FIGLA: variants seen among roughly 807,000 people sequenced by gnomAD.
FIGLA encodes the protein folliculogenesis specific bHLH transcription factor.
FIGLA carries 17 observed loss-of-function variants against 21.5 expected under a neutral mutation model. The ratio of observed to expected loss-of-function variants is 0.79; its 90% CI spans 0.54 to 1.19. The LOEUF is 1.19. Among genes scored for constraint, FIGLA ranks in the 50% most tolerant of loss-of-function variants. The probability of loss-of-function intolerance (pLI) is 0.00; values close to 1 mark genes in which losing one functional copy is unlikely to be tolerated. For missense variants in FIGLA, 282 were observed against 285.0 expected (o/e 0.99, Z 0.08); for synonymous variants, 129 against 117.6 (o/e 1.10, Z -0.63).
chr2:70,787,867 C>T lies in FIGLA; in HGVS notation c.232-66G>A, dbSNP rs541876489. On this transcript the variant is annotated intron_variant, in intron 1 of 4. Transcript: ENST00000332372. ...TTTGTATAGACATCTCCCCAAGCTA[C>T]AGAAGGGGGTTGTTTCCACTGCCTC... 97 of 1,536,648 alleles carry T rather than the reference C, an allele frequency of 6.3e-5. 1 individual carries two copies. In the South Asian group the frequency reaches 9.8e-4, roughly 16 times the overall value.
intron 1 of FIGLA, among the ~76,000 whole-genome samples, chr2:70,788,613 C>A (rs1675998653): frequency 6.6e-6 from 1 of 152,136 alleles, no homozygotes; most frequent in Admixed American, 6.6e-5. Context: ...TGGAGCAAAC[C>A]AGACAAGGGA....
chr2:70,777,538 T>C, intron 4 of FIGLA, 99 bp downstream of exon 4: 1 of 1,520,738 alleles, frequency 6.6e-7, no homozygotes, highest in Non-Finnish European at 8.9e-7. Flanking sequence ...CTTCTTTTAA[T>C]AGAGCTCATT....
chr2:70,785,416 A>C lies in FIGLA; in HGVS notation c.608T>G (p.Leu203Arg). Reference sequence around the variant, plus strand: ...GGTATTTAAGAAGGAATATTTTACCAGACTTCTGGTTGGGGAGATAATTTC... The same window carrying C: ...GGTATTTAAGAAGGAATATTTTACCCGACTTCTGGTTGGGGAGATAATTTC... The part of the protein sequence containing the change: ...TTEIISPTRS[L>R]DRFPEVELLS... The change falls in exon 3 of 5, where the codon CTG becomes CGG. Residue 203 changes from leucine to arginine, a missense_variant and splice_region_variant. Coordinates refer to ENST00000332372, the MANE Select transcript of FIGLA (RefSeq NM_001004311.3). 6.2e-7 allele frequency: 1 copy of C among 1,608,688 alleles called. No homozygotes were observed.
intron 1 of FIGLA, among the ~76,000 whole-genome samples, 176 bp downstream of exon 1, chr2:70,790,232 T>C (rs1370978587): frequency 6.6e-6 from 1 of 151,734 alleles, no homozygotes; most frequent in Non-Finnish European, 1.5e-5. Context: ...TGCACGGAGG[T>C]GCAGAAGAAG....
intron 1 of FIGLA, among the ~76,000 whole-genome samples, chr2:70,790,098 G>A (rs1676032872): frequency 6.6e-6 from 1 of 152,166 alleles, no homozygotes; most frequent in African/African-American, 2.4e-5. Context: ...TAAAGCACCT[G>A]CCCAGGGAGA....
intron 2 of FIGLA, among the ~76,000 whole-genome samples, chr2:70,786,818 G>A (rs1024395592): frequency 5.9e-5 from 9 of 152,040 alleles, no homozygotes; most frequent in Non-Finnish European, 8.8e-5. Context: ...AGTTTCCTAA[G>A]GTTCTCTCCT....
At position 70,790,595 on chromosome 2, in the gene FIGLA, G is replaced by GGGGC. The variant is rs1676044244; in HGVS notation, c.43_44insGCCC (p.Pro15ArgfsTer45). The GGGGC allele has an allele frequency of 6.8e-7, 1 of 1,477,104 alleles. No individual in the cohort carries two copies. Among genetic ancestry groups the GGGGC allele is most frequent in the Non-Finnish European group, 8.9e-7 (1 of 1,120,416 alleles). The allele number at this position is 1,477,104 out of a possible 1,614,324, so 91.5% of individuals were successfully genotyped here. On this transcript the variant is annotated frameshift_variant, in exon 1 of 5. Coordinates refer to ENST00000332372, the MANE Select transcript of FIGLA (RefSeq NM_001004311.3). LOFTEE classifies it high-confidence loss of function. Reference sequence around the variant, plus strand: ...GGCTTGCGGGGTGCCCAGGAGCGCGGGCGGCGCGGCGCGGGGATCTAGGAC... The same window carrying GGGGC: ...GGCTTGCGGGGTGCCCAGGAGCGCGGGGGCGCGGCGCGGCGCGGGGATCTAGGAC...
chr2:70,779,348 T>G (rs1675815405), intron 3 of FIGLA, among the ~76,000 whole-genome samples: 1 of 152,174 alleles, frequency 6.6e-6, no homozygotes, highest in African/African-American at 2.4e-5. Context: ...ATGACTGTGC[T>G]TCTCAAGCAA....
rs1265294209 is a variant in FIGLA, at chr2:70,777,657, T to C, written c.624A>G (p.Glu208=). 3 of 1,547,616 alleles carry C rather than the reference T, an allele frequency of 1.9e-6. No homozygotes were observed. Among genetic ancestry groups the C allele is most frequent in the Admixed American group, 1.7e-5 (1 of 58,870 alleles). Residue 208 remains glutamate (E), a synonymous_variant, in exon 4 of 5, where the codon GAA becomes GAG. Coordinates refer to ENST00000332372, the MANE Select transcript of FIGLA (RefSeq NM_001004311.3). The stretch of plus-strand genomic sequence containing the variant: ...CCTACCTGTGACTCAGCAGTTCTAC[T>C]TCTGGGAATCTATCCTGCAAAAACA... ...SPTRSLDRFP[E]VELLSHRLPQ...
chr2:70,780,280 T>C (rs952060766), intron 3 of FIGLA, among the ~76,000 whole-genome samples: 2 of 152,138 alleles, frequency 1.3e-5, no homozygotes, highest in Non-Finnish European at 2.9e-5. Context: ...AGGATTTCAT[T>C]CCCTGGGTCC....
Position 70,787,681 on chromosome 2 carries a change from T to A in FIGLA, c.352A>T (p.Ser118Cys). ...TCTTTGGCTCCTTCCAAAAGATCAC[T>A]GAGAACCTGTATATATTCAGTCGCA... ...KGATEYIQVL[S>C]DLLEGAKDSK... is the part of the protein sequence containing the mutation. The change falls in exon 2 of 5, where the codon AGT becomes TGT. Residue 118 changes from serine (S) to cysteine (C), a missense_variant. Transcript: ENST00000332372. 1 of 1,587,798 alleles carries A rather than the reference T, an allele frequency of 6.3e-7. No homozygotes were observed. The highest frequency in any genetic ancestry group is 8.6e-7 in the Non-Finnish European group (1 of 1,166,422).
In FIGLA at chr2:70,777,317, A is replaced by C. The variant is rs1399541920; in HGVS notation, c.*50T>G. 5 of 1,328,154 alleles carry C rather than the reference A, an allele frequency of 3.8e-6. No homozygotes were observed. Among genetic ancestry groups the C allele is most frequent in the Non-Finnish European group, 5.1e-6 (5 of 985,444 alleles). 82.3% of individuals were successfully genotyped at this position (1,328,154 alleles called of 1,614,324 possible). ...AAAAAAGAGAGACTCCAAAACTTTCAAGACTGCATTTATTTGTCTCTAGAA... is the reference window on the plus strand; with the variant it reads ...AAAAAAGAGAGACTCCAAAACTTTCCAGACTGCATTTATTTGTCTCTAGAA... On this transcript the variant is annotated 3_prime_UTR_variant, in exon 5 of 5. Coordinates refer to ENST00000332372, the MANE Select transcript of FIGLA (RefSeq NM_001004311.3).
chr2:70,783,288 A>G (rs1444158152), intron 3 of FIGLA, among the ~76,000 whole-genome samples: 2 of 152,226 alleles, frequency 1.3e-5, no homozygotes, highest in African/African-American at 4.8e-5. Flanking sequence ...TTGGTTGGCT[A>G]AAAAGACTAA....
intron 1 of FIGLA, among the ~76,000 whole-genome samples, chr2:70,789,760 T>C (rs781783206): frequency 7.2e-5 from 11 of 152,142 alleles, no homozygotes; most frequent in Non-Finnish European, 1.6e-4. Context: ...TTTCGTTAGA[T>C]AGTAAAATCT....
chr2:70,783,161 A>C (rs951446346), intron 3 of FIGLA, among the ~76,000 whole-genome samples: 1 of 152,196 alleles, frequency 6.6e-6, no homozygotes, highest in Non-Finnish European at 1.5e-5. Flanking sequence ...ACTCTTTACA[A>C]TCAGGCCTCA....
At chr2:70,783,043 C>T (rs1424039638) in intron 3 of FIGLA, among the ~76,000 whole-genome samples, 4 of 128,724 alleles carry the variant, frequency 3.1e-5, no homozygotes, top group Non-Finnish European at 4.7e-5. Flanking sequence ...GGCAACAGAG[C>T]GAGACTCTGT....
At chr2:70,777,494 T>C (rs1198269774) in intron 4 of FIGLA, 112 bp from the exon 5 acceptor site, 3 of 1,379,906 alleles carry the variant, frequency 2.2e-6, no homozygotes, top group East Asian at 2.6e-5. Flanking sequence ...GATGTTTAAA[T>C]TTAAAGATAC....
chr2:70,778,537 C>G (rs1675803215), intron 3 of FIGLA, among the ~76,000 whole-genome samples: 1 of 151,768 alleles, frequency 6.6e-6, no homozygotes, highest in South Asian at 2.1e-4. Flanking sequence ...ATACTTGAGA[C>G]AAATTCATAT....
At chr2:70,786,237 T>C in intron 2 of FIGLA, among the ~76,000 whole-genome samples, 1 of 151,578 alleles carries the variant, frequency 6.6e-6, no homozygotes, top group Non-Finnish European at 1.5e-5. Flanking sequence ...CCTTTTTTTT[T>C]TTTTTTGGCA....
Sources: allele counts gnomAD v4.1 joint callset (sites outside exome capture counted in the v4.1 genomes callset), GRCh38; gene constraint gnomAD v4.1.1; transcripts MANE v1.5; gene names NCBI Gene and HGNC (gene_info 2026-07-23, HGNC 2026-07-21).